Variants in SPTA1 observed in about 807,000 individuals in gnomAD.
The protein encoded by SPTA1 is spectrin alpha, erythrocytic 1.
A neutral mutation model predicts 324.7 loss-of-function variants in SPTA1; 177 were observed. The observed-to-expected ratio is 0.55, with a 90% CI of 0.48 to 0.62. SPTA1 has a LOEUF of 0.62. Ranked by LOEUF, SPTA1 falls within the 20% of genes least tolerant of loss-of-function variation. The pLI is 0.00. For missense variants in SPTA1, 3,162 were observed against 2,883.6 expected (o/e 1.10, Z -2.21); for synonymous variants, 1,195 against 1,041.3 (o/e 1.15, Z -2.84).
intron 6 of SPTA1, among the ~76,000 whole-genome samples, 195 bp from the exon 7 acceptor site, chr1:158,678,029 T>C (rs964557119): frequency 6.6e-6 from 1 of 152,202 alleles, no homozygotes; most frequent in Non-Finnish European, 1.5e-5. Context: ...GGTCCTGGGC[T>C]TCTTGACAGC....
chr1:158,656,506 A>C lies in SPTA1; in HGVS notation c.2898+58T>G. ...AAAGTAAAAAATCAGCAATAAAGACAATTTCTTTTTCTTTGTGGTGGGAAG... is the reference window on the plus strand; with the variant it reads ...AAAGTAAAAAATCAGCAATAAAGACCATTTCTTTTTCTTTGTGGTGGGAAG... On this transcript the variant is annotated intron_variant, in intron 20 of 51. Transcript: ENST00000643759. 2.7e-6 allele frequency: 4 copies of C among 1,489,312 alleles called. No individual in the cohort carries two copies. In the South Asian group the frequency reaches 3.4e-5, roughly 13 times the overall value. The allele number at this position is 1,489,312 out of a possible 1,614,324, so 92.3% of individuals were successfully genotyped here. A position where few individuals can be genotyped will look rare whatever the true frequency, so the allele number is the denominator to read the frequency against.
intron 20 of SPTA1, 59 bp downstream of exon 20, chr1:158,656,505 C>A: frequency 1.4e-6 from 2 of 1,472,180 alleles, no homozygotes; most frequent in Non-Finnish European, 1.9e-6. Flanking sequence ...GCAATAAAGA[C>A]AATTTCTTTT....
intron 2 of SPTA1, 41 bp from the exon 3 acceptor site, chr1:158,683,537 G>A: frequency 6.2e-7 from 1 of 1,610,630 alleles, no homozygotes; most frequent in Non-Finnish European, 8.5e-7. Flanking sequence ...ATGAAGCACA[G>A]TCTTCATGGG....
chr1:158,682,562 A>G (rs1654886886), intron 3 of SPTA1, among the ~76,000 whole-genome samples: 1 of 152,208 alleles, frequency 6.6e-6, no homozygotes, highest in African/African-American at 2.4e-5. Context: ...TCCGTTGACC[A>G]TATTTTGATG....
rs1168894367 is a variant in SPTA1 at position 158,651,396 on chromosome 1, G to A, written c.3448C>T (p.Leu1150=). The change falls in exon 24 of 52, where the codon CTA becomes TTA. Residue 1150 remains leucine (L), a synonymous_variant. Coordinates refer to ENST00000643759, the MANE Select transcript of SPTA1 (RefSeq NM_003126.4). The stretch of plus-strand genomic sequence containing the variant: ...CGGATTTGAGCTCCTTCTGGTGTTA[G>A]AAGTCCTTCAAATAGTAGATCATCA... ...VADDLLFEGL[L]TPEGAQIRQE... The A allele has an allele frequency of 1.9e-6, 3 of 1,613,856 alleles. No individual in the cohort carries two copies. Among genetic ancestry groups the A allele is most frequent in the Admixed American group, 3.3e-5 (2 of 60,008 alleles).
At chr1:158,648,479 G>T in intron 26 of SPTA1, 30 bp downstream of exon 26, 1 of 1,613,666 alleles carries the variant, frequency 6.2e-7, no homozygotes. Context: ...ACTGGAAAGT[G>T]TTGGAAAAGC....
chr1:158,634,170 A>C (rs948969179), intron 39 of SPTA1, among the ~76,000 whole-genome samples: 1 of 152,244 alleles, frequency 6.6e-6, no homozygotes, highest in African/African-American at 2.4e-5. Context: ...ATGTCCAGAC[A>C]TAAGAAGATT....
At position 158,654,728 on chromosome 1, in the gene SPTA1, C is replaced by A; in HGVS notation, c.2919G>T (p.Val973=). Residue 973 remains valine, a synonymous_variant, in exon 21 of 52, where the codon GTG becomes GTT. Transcript: ENST00000643759. Reference sequence around the variant, plus strand: ...CCCTTTGTTCTCCAGCAACTCCCTCCACTGGTGCAGCCTGTTGTTGCTGAA... The same window carrying A: ...CCCTTTGTTCTCCAGCAACTCCCTCAACTGGTGCAGCCTGTTGTTGCTGAA... ...NACQQQQAAP[V]EGVAGEQRVM... 6.2e-7 allele frequency: 1 copy of A among 1,613,866 alleles called. No homozygotes were observed. The highest frequency in any genetic ancestry group is 8.5e-7 in the Non-Finnish European group (1 of 1,179,966).
chr1:158,667,756 C>A, intron 15 of SPTA1, 102 bp downstream of exon 15: 4 of 1,278,216 alleles, frequency 3.1e-6, no homozygotes, highest in Non-Finnish European at 4.4e-6. Flanking sequence ...GAGTAGTATA[C>A]CTTCTCATAG....
chr1:158,662,970 G>A (rs200492511), intron 16 of SPTA1, 25 bp from the exon 17 acceptor site: 19 of 1,613,306 alleles, frequency 1.2e-5, no homozygotes, highest in African/African-American at 4.0e-5. Context: ...GAATGAATGC[G>A]AAGAAATCCC....
intron 27 of SPTA1, among the ~76,000 whole-genome samples, chr1:158,646,411 A>T (rs1258960671): frequency 1.3e-5 from 2 of 152,196 alleles, no homozygotes; most frequent in Non-Finnish European, 1.5e-5. Context: ...TAAGTACCAA[A>T]CATTGTGAAA....
chr1:158,668,110 G>T (rs978311092), intron 14 of SPTA1, 48 bp from the exon 15 acceptor site: 4 of 1,589,726 alleles, frequency 2.5e-6, no homozygotes, highest in African/African-American at 1.4e-5. Context: ...TGAAGAATGA[G>T]GGACAGAAAT....
In SPTA1 at chr1:158,634,478, C is replaced by A. The variant is rs376932696; in HGVS notation, c.5565+65G>T. The A allele has an allele frequency of 1.7e-4, 270 of 1,603,482 alleles. No homozygotes were observed. In the African/African-American group the frequency reaches 3.0e-3, roughly 18 times the overall value. On this transcript the variant is annotated intron_variant, in intron 39 of 51. Transcript: ENST00000643759. ...TGTCCTAATATTACAGGTAAAAACA[C>A]TGACTACCCAAGAAAATAACCAAAT...
intron 39 of SPTA1, among the ~76,000 whole-genome samples, chr1:158,631,418 G>T (rs760897064): frequency 6.6e-6 from 1 of 152,104 alleles, no homozygotes; most frequent in Non-Finnish European, 1.5e-5. Flanking sequence ...GGATTAAAAG[G>T]CATTAAAATG....
Position 158,638,029 on chromosome 1 carries a change from A to T in SPTA1, c.5189+4T>A, listed in dbSNP as rs536704272. 1.2e-6 allele frequency: 2 copies of T among 1,613,530 alleles called. No individual in the cohort carries two copies. Among genetic ancestry groups the T allele is most frequent in the South Asian group, 2.2e-5 (2 of 91,080 alleles). On this transcript the variant is annotated splice_donor_region_variant and intron_variant, in intron 36 of 51. Transcript: ENST00000643759. ...CCACACATTTTTGAGCTGGTGGCAC[A>T]TACTCTATCCAGGATTCCTCATCAT...
At chr1:158,656,011 G>A (rs183935245) in intron 20 of SPTA1, among the ~76,000 whole-genome samples, 105 of 152,184 alleles carry the variant, frequency 6.9e-4, no homozygotes, top group Non-Finnish European at 6.5e-4. Flanking sequence ...GTTTCCCTTA[G>A]CTTACAAAAA....
intron 36 of SPTA1, 114 bp downstream of exon 36, chr1:158,637,919 A>T: frequency 8.4e-7 from 1 of 1,191,832 alleles, no homozygotes; most frequent in African/African-American, 1.5e-5. Context: ...AACATGAAGT[A>T]GTGCTATCTT....
At position 158,627,730 on chromosome 1, in the gene SPTA1, A is replaced by G; in HGVS notation, c.5566-7T>C. On this transcript the variant is annotated splice_region_variant and splice_polypyrimidine_tract_variant and intron_variant, in intron 39 of 51. Coordinates refer to ENST00000643759, the MANE Select transcript of SPTA1 (RefSeq NM_003126.4). ...CATGCTTCATTAGCAAGCTCTGCAT[A>G]AATAAGTCGGTGAGAATTAAGATAT... is the stretch of plus-strand genomic sequence containing the variant. The G allele has an allele frequency of 1.2e-6, 2 of 1,610,736 alleles. No homozygotes were observed.
intron 5 of SPTA1, 84 bp from the exon 6 acceptor site, chr1:158,678,618 G>C: frequency 6.7e-7 from 1 of 1,488,220 alleles, no homozygotes; most frequent in African/African-American, 1.4e-5. Flanking sequence ...TTTTACATTA[G>C]TTCATACTTT....
Sources: allele counts gnomAD v4.1 joint callset (sites outside exome capture counted in the v4.1 genomes callset), GRCh38; gene constraint gnomAD v4.1.1; transcripts MANE v1.5; gene names NCBI Gene and HGNC (gene_info 2026-07-23, HGNC 2026-07-21).